Variants in CEP128 observed in about 807,000 individuals in gnomAD.
CEP128 encodes the protein centrosomal protein 128.
A neutral mutation model predicts 156.7 loss-of-function variants in CEP128; 132 were observed. The ratio of observed to expected loss-of-function variants is 0.84; its 90% CI spans 0.73 to 0.97. CEP128 has a LOEUF of 0.97. CEP128 is among the 50% of genes least tolerant of loss of function. The pLI is 0.00. For missense variants in CEP128, 1,252 were observed against 1,281.9 expected, an observed-to-expected ratio of 0.98 and a Z score of 0.36; for synonymous variants, 469 against 448.9, an observed-to-expected ratio of 1.04 and a Z score of -0.57.
At chr14:80,680,349 C>G (rs547409616) in intron 19 of CEP128, among the ~76,000 whole-genome samples, 1 of 152,230 alleles carries the variant, frequency 6.6e-6, no homozygotes, top group African/African-American at 2.4e-5. Context: ...ATTTGGAGCA[C>G]CCACTTGCCT....
rs61419086 is a variant in CEP128 at position 80,602,727 on chromosome 14, G to C, written c.2807-22304C>G. ...GCAGAGGTTGCAGTGAGCCGAGATC[G>C]CGCCACTGCATTCCAGCCTGGGTGA... On this transcript the variant is annotated intron_variant, in intron 19 of 24. Transcript: ENST00000555265. Among the ~76,000 whole-genome samples the C allele has an allele frequency of 5.6e-3, 855 of 152,134 alleles. 6 individuals carry two copies. The highest frequency in any genetic ancestry group is 0.02 in the African/African-American group (816 of 41,492).
At chr14:80,828,483 G>A (rs1023683256) in intron 13 of CEP128, among the ~76,000 whole-genome samples, 4 of 152,138 alleles carry the variant, frequency 2.6e-5, no homozygotes, top group African/African-American at 7.2e-5. Flanking sequence ...GAGAAAGGGG[G>A]CATAAGAATA....
intron 8 of CEP128, among the ~76,000 whole-genome samples, chr14:80,892,588 A>T (rs1462577502): frequency 6.6e-6 from 1 of 152,020 alleles, no homozygotes; most frequent in Non-Finnish European, 1.5e-5. Flanking sequence ...ACAGCAAAAG[A>T]TATAATCAAC....
At chr14:80,856,377 G>T (rs898520508) in intron 9 of CEP128, among the ~76,000 whole-genome samples, 11 of 152,174 alleles carry the variant, frequency 7.2e-5, no homozygotes, top group African/African-American at 2.7e-4. Flanking sequence ...CAGGCATGGT[G>T]GCTCACACCT....
intron 8 of CEP128, among the ~76,000 whole-genome samples, chr14:80,877,296 G>T (rs538455167): frequency 4.0e-4 from 61 of 151,712 alleles, no homozygotes; most frequent in African/African-American, 1.4e-3. Flanking sequence ...ATAGTAAGAT[G>T]GTAGATTTAA....
intron 15 of CEP128, among the ~76,000 whole-genome samples, chr14:80,783,835 G>T (rs1901253017): frequency 6.6e-6 from 1 of 151,978 alleles, no homozygotes; most frequent in Non-Finnish European, 1.5e-5. Flanking sequence ...ATCTTATAAG[G>T]TGTCTTAGGT....
At chr14:80,637,908 C>T (rs556726427) in intron 19 of CEP128, among the ~76,000 whole-genome samples, 2 of 152,252 alleles carry the variant, frequency 1.3e-5, no homozygotes, top group East Asian at 3.9e-4. Context: ...CCAGCAGTCA[C>T]CAGATGCTGG....
intron 8 of CEP128, among the ~76,000 whole-genome samples, chr14:80,867,023 A>T (rs566197852): frequency 3.0e-4 from 46 of 152,300 alleles, no homozygotes; most frequent in African/African-American, 1.1e-3. Context: ...AAATCTCAGT[A>T]TATATTTTTT....
chr14:80,906,958 A>G (rs1883917571), intron 4 of CEP128, among the ~76,000 whole-genome samples: 1 of 152,220 alleles, frequency 6.6e-6, no homozygotes. Flanking sequence ...CAAGTCATCT[A>G]TAACTCTTTA....
At chr14:80,540,432 A>G (rs1889703453) in intron 21 of CEP128, among the ~76,000 whole-genome samples, 2 of 152,338 alleles carry the variant, frequency 1.3e-5, no homozygotes, top group Non-Finnish European at 2.9e-5. Context: ...CAAGGCCCTA[A>G]GGAGGGCACC....
chr14:80,684,571 G>T (rs1208566245), intron 19 of CEP128, among the ~76,000 whole-genome samples: 2 of 151,782 alleles, frequency 1.3e-5, no homozygotes, highest in African/African-American at 4.8e-5. Context: ...TCAAGGAGGA[G>T]TAACTCCTTC....
chr14:80,814,907 A>T (rs1250135203), intron 13 of CEP128, among the ~76,000 whole-genome samples: 1 of 152,152 alleles, frequency 6.6e-6, no homozygotes, highest in Non-Finnish European at 1.5e-5. Context: ...AAATACAAAA[A>T]ATTAGCCAGA....
intron 19 of CEP128, among the ~76,000 whole-genome samples, chr14:80,581,223 A>T (rs1891578013): frequency 6.6e-6 from 1 of 152,214 alleles, no homozygotes; most frequent in African/African-American, 2.4e-5. Flanking sequence ...GACTAGGCTG[A>T]GTCAGAACTT....
intron 2 of CEP128, among the ~76,000 whole-genome samples, chr14:80,924,751 T>C (rs1317500141): frequency 6.6e-6 from 1 of 152,040 alleles, no homozygotes; most frequent in Non-Finnish European, 1.5e-5. Flanking sequence ...TTAATGATTC[T>C]ACTATTTTCA....
At chr14:80,622,246 G>A (rs1259758882) in intron 19 of CEP128, among the ~76,000 whole-genome samples, 12 of 152,042 alleles carry the variant, frequency 7.9e-5, no homozygotes, top group Admixed American at 7.9e-4. Flanking sequence ...ATCTTCAAAA[G>A]TTTTATTTTT....
intron 2 of CEP128, chr14:80,955,631 G>A (rs1443120346): frequency 2.5e-6 from 4 of 1,610,682 alleles, no homozygotes; most frequent in Non-Finnish European, 3.4e-6. Context: ...GCAGAGCTGA[G>A]AATGAGGCGA....
rs1039903740 is a variant in CEP128 at position 80,792,853 on chromosome 14, G to A, written c.1467C>T (p.Ser489=). The change falls in exon 14 of 25, where the codon TCC becomes TCT. Residue 489 remains serine (S), a synonymous_variant. Transcript: ENST00000555265. The part of the protein sequence containing the change: ...REDLKLKAQE[S]IRQWKLKHKK... Reference sequence around the variant, plus strand: ...TATGCTTAAGCTTCCACTGCCTAATGGATTCTTGAGCTTTCAGTTTCAGGT... The same window carrying A: ...TATGCTTAAGCTTCCACTGCCTAATAGATTCTTGAGCTTTCAGTTTCAGGT... 6.2e-7 allele frequency: 1 copy of A among 1,614,134 alleles called. No homozygotes were observed. Among genetic ancestry groups the A allele is most frequent in the Non-Finnish European group, 8.5e-7 (1 of 1,180,006 alleles).
chr14:80,643,776 C>T (rs761794147), intron 19 of CEP128, among the ~76,000 whole-genome samples: 1 of 152,046 alleles, frequency 6.6e-6, no homozygotes, highest in African/African-American at 2.4e-5. Flanking sequence ...TGGTATCCAA[C>T]AGAGGCAGCA....
At chr14:80,636,337 T>C (rs774994210) in intron 19 of CEP128, among the ~76,000 whole-genome samples, 1 of 152,218 alleles carries the variant, frequency 6.6e-6, no homozygotes, top group Non-Finnish European at 1.5e-5. Context: ...CATAGTTCTT[T>C]AGGAAGACAA....
Sources: allele counts gnomAD v4.1 joint callset (sites outside exome capture counted in the v4.1 genomes callset), GRCh38; gene constraint gnomAD v4.1.1; transcripts MANE v1.5; gene names NCBI Gene and HGNC (gene_info 2026-07-23, HGNC 2026-07-21).